The following KHDRBS2 variants were observed in gnomAD, a reference collection of about 807,000 sequenced individuals.
The protein encoded by KHDRBS2 is KH RNA binding domain containing, signal transduction associated 2.
Under a neutral mutation model 44.3 loss-of-function variants are expected in KHDRBS2, and 26 were observed. That is an observed-to-expected ratio of 0.59 (90% CI 0.43 to 0.81). The LOEUF (loss-of-function observed/expected upper bound fraction) is 0.81. Among genes scored for constraint, KHDRBS2 ranks in the 40% least tolerant of loss-of-function variants. KHDRBS2 has a pLI of 0.00. For missense variants in KHDRBS2, 476 were observed against 433.1 expected, an observed-to-expected ratio of 1.10 and a Z score of -0.88; for synonymous variants, 194 against 151.1, an observed-to-expected ratio of 1.28 and a Z score of -2.08.
chr6:62,285,941 T>C lies in KHDRBS2; in HGVS notation c.8A>G (p.Glu3Gly). The C allele has an allele frequency of 6.2e-7, 1 of 1,609,242 alleles. No homozygotes were observed. The highest frequency in any genetic ancestry group is 8.5e-7 in the Non-Finnish European group (1 of 1,176,214). The part of the protein sequence containing the change: ME[E>G]EKYLPELMAE... Reference sequence around the variant, plus strand: ...CATCAGCTCAGGCAAATATTTCTCCTCTTCCATAGCGCGGACTTCGGATTG... The same window carrying C: ...CATCAGCTCAGGCAAATATTTCTCCCCTTCCATAGCGCGGACTTCGGATTG... The change falls in exon 1 of 9, where the codon GAG becomes GGG. Residue 3 changes from glutamate (E) to glycine (G), a missense_variant. Transcript: ENST00000281156.
intron 6 of KHDRBS2, among the ~76,000 whole-genome samples, chr6:61,815,935 A>C (rs1788846881): frequency 6.6e-6 from 1 of 152,192 alleles, no homozygotes; most frequent in African/African-American, 2.4e-5. Flanking sequence ...ATCAATAAAC[A>C]CAATATTTTA....
chr6:62,015,869 A>G (rs1781117737), intron 3 of KHDRBS2, among the ~76,000 whole-genome samples: 1 of 152,156 alleles, frequency 6.6e-6, no homozygotes, highest in Non-Finnish European at 1.5e-5. Flanking sequence ...TGAATCACAA[A>G]GGTTAAATTG....
At chr6:61,978,291 G>T in intron 3 of KHDRBS2, 79 bp from the exon 4 acceptor site, 1 of 1,147,682 alleles carries the variant, frequency 8.7e-7, no homozygotes, top group South Asian at 1.6e-5. Flanking sequence ...TATGACAAAG[G>T]TGTATAATTT....
intron 4 of KHDRBS2, among the ~76,000 whole-genome samples, chr6:61,905,165 A>T (rs1804733508): frequency 6.6e-6 from 1 of 152,218 alleles, no homozygotes; most frequent in South Asian, 2.1e-4. Context: ...ACTTAATAAG[A>T]AAATAACAAA....
At chr6:61,954,949 CATATATATGT>C (rs1766147501) in intron 4 of KHDRBS2, among the ~76,000 whole-genome samples, 2 of 66,360 alleles carry the variant, frequency 3.0e-5, no homozygotes, top group African/African-American at 7.6e-5. Flanking sequence ...TATGTGTATA[CATATATATGT>C]ATATATACGC....
chr6:61,708,360 T>C (rs1161620865), intron 7 of KHDRBS2, among the ~76,000 whole-genome samples: 1 of 151,584 alleles, frequency 6.6e-6, no homozygotes, highest in Non-Finnish European at 1.5e-5. Flanking sequence ...TACTAAAAAA[T>C]ATTAAATAAA....
chr6:61,728,204 A>G (rs1310712186), intron 7 of KHDRBS2, among the ~76,000 whole-genome samples: 1 of 152,046 alleles, frequency 6.6e-6, no homozygotes, highest in Admixed American at 6.6e-5. Flanking sequence ...ACCAAAAACC[A>G]CATGTTCTCA....
chr6:61,660,018 T>C, the KHDRBS2 span, among the ~76,000 whole-genome samples: 4 of 151,968 alleles, frequency 2.6e-5, no homozygotes, highest in East Asian at 7.8e-4. Context: ...GTTATTATTG[T>C]TGACATGTTA....
chr6:62,032,515 C>T (rs1784535252), intron 3 of KHDRBS2, among the ~76,000 whole-genome samples: 2 of 150,376 alleles, frequency 1.3e-5, no homozygotes, highest in South Asian at 2.1e-4. Flanking sequence ...ACTTAATAAA[C>T]TCCCATATAT....
intron 1 of KHDRBS2, among the ~76,000 whole-genome samples, chr6:62,241,830 T>C (rs1834732354): frequency 6.7e-6 from 1 of 150,212 alleles, no homozygotes; most frequent in African/African-American, 2.5e-5. Flanking sequence ...GAAGGGCAAA[T>C]AGGTATTATA....
chr6:61,798,616 A>G (rs1206371296), intron 6 of KHDRBS2, among the ~76,000 whole-genome samples: 1 of 152,028 alleles, frequency 6.6e-6, no homozygotes, highest in African/African-American at 2.4e-5. Context: ...ATGTTTTTCT[A>G]CTTGGCCACC....
chr6:61,865,110 G>A (rs936028336), intron 6 of KHDRBS2, among the ~76,000 whole-genome samples: 14 of 151,864 alleles, frequency 9.2e-5, no homozygotes, highest in African/African-American at 2.2e-4. Context: ...TGTGTTTTTC[G>A]GCTCTGTCAG....
chr6:62,089,268 CAAAA>C (rs34948262), intron 2 of KHDRBS2, among the ~76,000 whole-genome samples: 1 of 111,956 alleles, frequency 8.9e-6, no homozygotes. Context: ...CACTGGGTTA[CAAAA>C]AAAAAAAAAA....
downstream of KHDRBS2, among the ~76,000 whole-genome samples, chr6:61,675,149 A>G (rs1264659810): frequency 4.6e-5 from 7 of 151,762 alleles, no homozygotes; most frequent in African/African-American, 1.2e-4. Flanking sequence ...TTCTAACTAT[A>G]TATTTTTACT....
At position 61,702,308 on chromosome 6, in the gene KHDRBS2, C is replaced by T. The variant is rs1383714217; in HGVS notation, c.894-5055G>A. Among the ~76,000 whole-genome samples the T allele has an allele frequency of 8.6e-5, 13 of 151,916 alleles. No individual in the cohort carries two copies. In the East Asian group the frequency reaches 1.6e-3, roughly 18 times the overall value. ...TGTAACTGGCTGGAAATGGCAATGG[C>T]TAGAGTAACTTTGGACTCATGTTAA... On this transcript the variant is annotated intron_variant, in intron 7 of 8. Transcript: ENST00000281156.
chr6:61,853,320 A>G (rs1457465742), intron 6 of KHDRBS2, among the ~76,000 whole-genome samples: 3 of 152,190 alleles, frequency 2.0e-5, no homozygotes, highest in African/African-American at 4.8e-5. Flanking sequence ...TAGCTATTAA[A>G]TGTATTTACC....
At chr6:62,087,447 T>C (rs1798607094) in intron 2 of KHDRBS2, among the ~76,000 whole-genome samples, 1 of 150,360 alleles carries the variant, frequency 6.7e-6, no homozygotes, top group African/African-American at 2.4e-5. Context: ...AAAATAAAAA[T>C]TATGAAAAAT....
intron 2 of KHDRBS2, among the ~76,000 whole-genome samples, chr6:62,159,717 T>C (rs1387752405): frequency 1.3e-5 from 2 of 152,190 alleles, no homozygotes; most frequent in Non-Finnish European, 2.9e-5. Context: ...ACACATATTT[T>C]GTATGTTATA....
At chr6:61,931,403 TA>T (rs1300005318) in intron 4 of KHDRBS2, among the ~76,000 whole-genome samples, 1 of 151,908 alleles carries the variant, frequency 6.6e-6, no homozygotes, top group East Asian at 1.9e-4. Context: ...ATGTTGGACT[TA>T]AAAACTATAT....
Sources: allele counts gnomAD v4.1 joint callset (sites outside exome capture counted in the v4.1 genomes callset), GRCh38; gene constraint gnomAD v4.1.1; transcripts MANE v1.5; gene names NCBI Gene and HGNC (gene_info 2026-07-23, HGNC 2026-07-21).